Variants in ZNRF3 observed in about 807,000 individuals in gnomAD.
ZNRF3 encodes the protein E3 ubiquitin-protein ligase ZNRF3.
Under a neutral mutation model 72.5 loss-of-function variants are expected in ZNRF3, and 23 were observed. The ratio of observed to expected loss-of-function variants is 0.32; its 90% CI spans 0.23 to 0.45. The LOEUF is 0.45. Ranked by LOEUF, ZNRF3 falls within the 20% of genes least tolerant of loss-of-function variation. The pLI, the probability that ZNRF3 is intolerant of heterozygous loss-of-function variation, is 1.00. For synonymous variants in ZNRF3, 610 were observed against 545.3 expected, an observed-to-expected ratio of 1.12 and a Z score of -1.65; for missense variants, 1,169 against 1,272.1, an observed-to-expected ratio of 0.92 and a Z score of 1.23.
chr22:28,944,830 G>T (rs1339409577), intron 1 of ZNRF3, among the ~76,000 whole-genome samples: 3 of 151,684 alleles, frequency 2.0e-5, no homozygotes, highest in Non-Finnish European at 4.4e-5. Context: ...GGAGGCTGAG[G>T]CAGGAGAATT....
intron 5 of ZNRF3, among the ~76,000 whole-genome samples, chr22:29,045,483 T>C (rs1405072569): frequency 6.6e-6 from 1 of 151,836 alleles, no homozygotes; most frequent in Non-Finnish European, 1.5e-5. Flanking sequence ...GAAGGAAGTG[T>C]TTATTTTATT....
At chr22:29,013,593 C>T (rs2036382437) in intron 2 of ZNRF3, among the ~76,000 whole-genome samples, 1 of 152,102 alleles carries the variant, frequency 6.6e-6, no homozygotes, top group Non-Finnish European at 1.5e-5. Flanking sequence ...AAAATCTTTG[C>T]CAAGTTACAG....
chr22:28,967,602 A>T (rs964015969), intron 1 of ZNRF3, among the ~76,000 whole-genome samples: 2 of 152,164 alleles, frequency 1.3e-5, no homozygotes, highest in African/African-American at 4.8e-5. Flanking sequence ...TTTCACTGCG[A>T]CATACCTAGG....
rs767110721 is a variant in ZNRF3, at chr22:29,055,618, G to C, written c.*1996G>C. 1 of 152,218 alleles carries C rather than the reference G, an allele frequency of 6.6e-6. No homozygotes were observed. Among genetic ancestry groups the C allele is most frequent in the East Asian group, 1.9e-4 (1 of 5,210 alleles). The allele number at this position is 152,218 out of a possible 1,614,324, so 9.4% of individuals were successfully genotyped here. A position where few individuals can be genotyped will look rare whatever the true frequency, so the allele number is the denominator to read the frequency against. On this transcript the variant is annotated 3_prime_UTR_variant, in exon 9 of 9. Transcript: ENST00000544604. ...GACTGCGCCCCGCACACCTGTTATC[G>C]AGGGTGTGAGAAGCGCCTAAGCTGG... is the stretch of plus-strand genomic sequence containing the variant.
intron 1 of ZNRF3, among the ~76,000 whole-genome samples, chr22:28,911,605 C>T (rs1003028233): frequency 6.6e-6 from 1 of 152,344 alleles, no homozygotes; most frequent in African/African-American, 2.4e-5. Context: ...TAGCTTTCTA[C>T]CCGTACACTT....
intron 1 of ZNRF3, among the ~76,000 whole-genome samples, chr22:28,933,515 A>G (rs1296670661): frequency 6.6e-6 from 1 of 152,162 alleles, no homozygotes; most frequent in Non-Finnish European, 1.5e-5. Flanking sequence ...CTCTGCTATT[A>G]TCTGTTATCA....
intron 1 of ZNRF3, among the ~76,000 whole-genome samples, chr22:28,916,169 C>T (rs1320016660): frequency 2.0e-5 from 3 of 152,178 alleles, no homozygotes; most frequent in Admixed American, 6.5e-5. Context: ...TCAAGCAATT[C>T]TTCCACCTTA....
At chr22:29,043,259 T>G in intron 3 of ZNRF3, 40 bp from the exon 4 acceptor site, 1 of 1,604,284 alleles carries the variant, frequency 6.2e-7, no homozygotes, top group Non-Finnish European at 8.5e-7. Flanking sequence ...CTTCTTAAAG[T>G]AAGCGCACCT....
chr22:29,037,871 A>G (rs1406652057), intron 2 of ZNRF3, among the ~76,000 whole-genome samples: 1 of 152,186 alleles, frequency 6.6e-6, no homozygotes, highest in African/African-American at 2.4e-5. Context: ...GGAAGGGCAC[A>G]TAGAGGGCAG....
intron 5 of ZNRF3, 66 bp downstream of exon 5, chr22:29,044,956 A>G (rs531669517): frequency 8.9e-7 from 1 of 1,120,816 alleles, no homozygotes; most frequent in Admixed American, 1.7e-5. Flanking sequence ...GAAAACCAGG[A>G]CTCTCGTCAC....
Position 29,050,917 on chromosome 22 carries a change from G to A in ZNRF3, c.2736G>A (p.Gln912=), listed in dbSNP as rs2037194032. 4 of 1,545,292 alleles carry A rather than the reference G, an allele frequency of 2.6e-6. No homozygotes were observed. The highest frequency in any genetic ancestry group is 3.5e-4 in the Middle Eastern group (2 of 5,698). ...TCCCTAGTGCCCTCCAGGACACTCA[G>A]GAGTCCAGCACCACTGCCACTGAGG... ...ANFPSALQDT[Q]ESSTTATEAA... Residue 912 remains glutamine, a synonymous_variant, in exon 8 of 9, where the codon CAG becomes CAA. Coordinates refer to ENST00000544604, the MANE Select transcript of ZNRF3 (RefSeq NM_001206998.2).
chr22:29,033,088 G>A (rs989264032), intron 2 of ZNRF3, among the ~76,000 whole-genome samples: 4 of 151,582 alleles, frequency 2.6e-5, no homozygotes, highest in Middle Eastern at 3.4e-3. Flanking sequence ...GGTGGCTCAG[G>A]CCTGTAATCC....
At chr22:28,889,512 C>T (rs535348524) in intron 1 of ZNRF3, among the ~76,000 whole-genome samples, 12 of 152,302 alleles carry the variant, frequency 7.9e-5, no homozygotes, top group Middle Eastern at 3.4e-3. Context: ...TTGTAGACAT[C>T]TATCACAGCC....
intron 1 of ZNRF3, among the ~76,000 whole-genome samples, chr22:28,941,169 G>T (rs1293932900): frequency 6.6e-6 from 1 of 152,134 alleles, no homozygotes; most frequent in African/African-American, 2.4e-5. Context: ...TTAGATGCCG[G>T]TGGTGGTGGT....
intron 1 of ZNRF3, among the ~76,000 whole-genome samples, chr22:28,915,151 G>C (rs990451490): frequency 6.6e-6 from 1 of 152,224 alleles, no homozygotes; most frequent in African/African-American, 2.4e-5. Context: ...CCACTGGCTA[G>C]GTGGCTTAAA....
rs2037305162 is a variant in ZNRF3 at position 29,056,661 on chromosome 22, G to A, written c.*3039G>A. 1 of 152,296 alleles carries A rather than the reference G, an allele frequency of 6.6e-6. No homozygotes were observed. The highest frequency in any genetic ancestry group is 2.1e-4 in the South Asian group (1 of 4,824). The allele number at this position is 152,296 out of a possible 1,614,324, so 9.4% of individuals were successfully genotyped here. A position where few individuals can be genotyped will look rare whatever the true frequency, so the allele number is the denominator to read the frequency against. On this transcript the variant is annotated 3_prime_UTR_variant, in exon 9 of 9. Transcript: ENST00000544604. ...CCCAATCCCTCTAAGTTGGGGTGTG[G>A]CAGTTGGGCAGGGTCAAGTGACCCA...
intron 2 of ZNRF3, among the ~76,000 whole-genome samples, chr22:29,007,133 CG>C (rs779907982): frequency 6.6e-6 from 1 of 152,148 alleles, no homozygotes; most frequent in Non-Finnish European, 1.5e-5. Context: ...ACTTGAATAA[CG>C]TGTGTGGTCA....
At chr22:29,011,239 T>C (rs931312837) in intron 2 of ZNRF3, among the ~76,000 whole-genome samples, 1 of 152,218 alleles carries the variant, frequency 6.6e-6, no homozygotes, top group Non-Finnish European at 1.5e-5. Context: ...AGAAATGCTG[T>C]TGTGAATACA....
chr22:29,045,090 A>G (rs1055330412), intron 5 of ZNRF3, among the ~76,000 whole-genome samples, 200 bp downstream of exon 5: 1 of 152,084 alleles, frequency 6.6e-6, no homozygotes, highest in African/African-American at 2.4e-5. Context: ...GCCAGGCACC[A>G]TGACTCACGC....
Sources: gnomAD v4.1 joint callset for allele counts (sites outside exome capture counted in the v4.1 genomes callset) on GRCh38, gnomAD v4.1.1 for gene constraint, MANE v1.5 for transcripts, NCBI Gene and HGNC (gene_info 2026-07-23, HGNC 2026-07-21) for gene names.